The following RASAL2 variants were observed in gnomAD, a reference collection of about 807,000 sequenced individuals.
RASAL2 encodes RAS protein activator like 2.
Under a neutral mutation model 128.9 loss-of-function variants are expected in RASAL2, and 58 were observed. The ratio of observed to expected loss-of-function variants is 0.45; its 90% confidence interval spans 0.36 to 0.56. The LOEUF is 0.56. RASAL2 is among the 20% of genes least tolerant of loss of function. The pLI is 0.00. For missense variants in RASAL2, 1,360 were observed against 1,601.6 expected (o/e 0.85, Z 2.57); for synonymous variants, 561 against 580.8 (o/e 0.97, Z 0.49).
At chr1:178,460,798 A>G (rs550944530) in intron 14 of RASAL2, among the ~76,000 whole-genome samples, 5 of 151,208 alleles carry the variant, frequency 3.3e-5, no homozygotes, top group Non-Finnish European at 7.4e-5. Context: ...TTGAACTTAC[A>G]TTGTTAGTTT....
At chr1:178,198,301 C>A (rs1662744739) in intron 1 of RASAL2, among the ~76,000 whole-genome samples, 1 of 152,192 alleles carries the variant, frequency 6.6e-6, no homozygotes, top group Non-Finnish European at 1.5e-5. Flanking sequence ...AATGGTTGAA[C>A]TAGTTTACAC....
At chr1:178,197,204 TC>T (rs1662685491) in intron 1 of RASAL2, among the ~76,000 whole-genome samples, 1 of 152,018 alleles carries the variant, frequency 6.6e-6, no homozygotes, top group South Asian at 2.1e-4. Context: ...ACGCCTGTAA[TC>T]CCAAAACTTT....
intron 5 of RASAL2, among the ~76,000 whole-genome samples, chr1:178,425,187 T>G (rs1448550592): frequency 6.6e-6 from 1 of 152,154 alleles, no homozygotes; most frequent in Non-Finnish European, 1.5e-5. Flanking sequence ...ACACAGAACT[T>G]TCCTTGGAAT....
intron 1 of RASAL2, among the ~76,000 whole-genome samples, chr1:178,191,361 A>G (rs1185264306): frequency 6.6e-6 from 1 of 151,464 alleles, no homozygotes; most frequent in African/African-American, 2.4e-5. Flanking sequence ...AAAAAAAAAC[A>G]CATACAAAAA....
At chr1:178,292,068 G>C (rs969994991) in intron 2 of RASAL2, among the ~76,000 whole-genome samples, 1 of 138,432 alleles carries the variant, frequency 7.2e-6, no homozygotes, top group Non-Finnish European at 1.5e-5. Context: ...GAATTATAAA[G>C]AATTTAACTC....
intron 1 of RASAL2, among the ~76,000 whole-genome samples, chr1:178,178,626 T>G (rs1661973139): frequency 1.3e-5 from 2 of 152,332 alleles, no homozygotes; most frequent in Admixed American, 1.3e-4. Context: ...TTCGCAGTGC[T>G]TTTTCCAGTG....
chr1:178,111,475 G>T (rs1055824111), intron 1 of RASAL2, among the ~76,000 whole-genome samples: 19 of 152,140 alleles, frequency 1.2e-4, no homozygotes, highest in South Asian at 2.1e-4. Flanking sequence ...CCCACTAGCA[G>T]TGTGTGGCAG....
chr1:178,442,640 C>T (rs1237698048), intron 7 of RASAL2, 35 bp from the exon 8 acceptor site: 7 of 1,538,174 alleles, frequency 4.6e-6, no homozygotes, highest in Non-Finnish European at 6.1e-6. Flanking sequence ...TCTGCAATGT[C>T]AGCTCTGAAA....
intron 2 of RASAL2, among the ~76,000 whole-genome samples, chr1:178,292,049 A>AG (rs1667304343): frequency 6.6e-6 from 1 of 151,542 alleles, no homozygotes; most frequent in Non-Finnish European, 1.5e-5. Context: ...AAAAAAAAAA[A>AG]AAAAAAAAGA....
chr1:178,225,718 T>C (rs1284155603), intron 1 of RASAL2, among the ~76,000 whole-genome samples: 1 of 151,988 alleles, frequency 6.6e-6, no homozygotes, highest in Admixed American at 6.6e-5. Flanking sequence ...CACTTTTCTA[T>C]TGATGGTCAT....
intron 9 of RASAL2, among the ~76,000 whole-genome samples, chr1:178,446,380 T>C (rs1364872813): frequency 7.2e-5 from 11 of 152,144 alleles, no homozygotes. Flanking sequence ...TGAATACTTT[T>C]ATTTATTTTT....
chr1:178,229,769 C>A (rs2102019569), intron 1 of RASAL2, among the ~76,000 whole-genome samples: 1 of 152,258 alleles, frequency 6.6e-6, no homozygotes, highest in South Asian at 2.1e-4. Flanking sequence ...TTAAGCAAAT[C>A]TGCTAACTAG....
At chr1:178,456,157 C>T (rs534787056) in intron 12 of RASAL2, among the ~76,000 whole-genome samples, 1 of 152,256 alleles carries the variant, frequency 6.6e-6, no homozygotes, top group South Asian at 2.1e-4. Flanking sequence ...TCAGGGTTCC[C>T]AAGATTGACT....
At chr1:178,415,205 A>G (rs767013327) in intron 4 of RASAL2, among the ~76,000 whole-genome samples, 43 of 152,082 alleles carry the variant, frequency 2.8e-4, no homozygotes, top group Non-Finnish European at 4.7e-4. Flanking sequence ...ATTCAATGCT[A>G]TAAATTTTCC....
chr1:178,256,100 G>A (rs1007812007), intron 1 of RASAL2, among the ~76,000 whole-genome samples: 1 of 152,028 alleles, frequency 6.6e-6, no homozygotes, highest in African/African-American at 2.4e-5. Flanking sequence ...AGAAATAGAG[G>A]GGCATCCTCA....
At chr1:178,459,989 T>C (rs1323809262) in intron 14 of RASAL2, among the ~76,000 whole-genome samples, 1 of 152,234 alleles carries the variant, frequency 6.6e-6, no homozygotes, top group Non-Finnish European at 1.5e-5. Context: ...TATCAGTCAT[T>C]CCTACCTTAT....
At chr1:178,375,245 CTG>C (rs1671923906) in intron 3 of RASAL2, among the ~76,000 whole-genome samples, 2 of 151,998 alleles carry the variant, frequency 1.3e-5, no homozygotes, top group South Asian at 4.1e-4. Flanking sequence ...GGTGAGCAAA[CTG>C]TCTTGAAAAG....
intron 17 of RASAL2, 120 bp downstream of exon 17, chr1:178,467,541 C>A (rs76753616): frequency 1.3e-6 from 1 of 759,724 alleles, no homozygotes; most frequent in Non-Finnish European, 2.2e-6. Context: ...AAGTTCTAGA[C>A]GCTACATTTT....
At chr1:178,345,931 T>G (rs898845778) in intron 3 of RASAL2, among the ~76,000 whole-genome samples, 1 of 152,154 alleles carries the variant, frequency 6.6e-6, no homozygotes, top group Non-Finnish European at 1.5e-5. Flanking sequence ...AGAATATTTC[T>G]TATCAGTATT....
Sources: allele counts gnomAD v4.1 joint callset (sites outside exome capture counted in the v4.1 genomes callset), GRCh38; gene constraint gnomAD v4.1.1; transcripts MANE v1.5; gene names NCBI Gene and HGNC (gene_info 2026-07-23, HGNC 2026-07-21).